The following ARPP21 variants were observed in gnomAD, a reference collection of about 807,000 sequenced individuals.
ARPP21 encodes cAMP regulated phosphoprotein 21, also known as cAMP-regulated phosphoprotein 21.
In ARPP21, 69 loss-of-function variants were observed where a neutral mutation model predicts 113.2. That is an observed-to-expected ratio of 0.61 (90% confidence interval 0.50 to 0.74). The LOEUF is 0.74. ARPP21 is among the 30% of genes least tolerant of loss of function. ARPP21 has a pLI of 0.00. For synonymous variants in ARPP21, 368 were observed against 375.5 expected, an observed-to-expected ratio of 0.98 and a Z score of 0.23; for missense variants, 1,070 against 1,037.4, an observed-to-expected ratio of 1.03 and a Z score of -0.43.
Position 35,691,057 on chromosome 3 carries a change from C to T in ARPP21, c.686+52C>T, listed in dbSNP as rs2082099323. Reference sequence around the variant, plus strand: ...GCATTTTCTTTTTCTCCTATGGATTCATTTATAAGATCACAGTATAAAATT... The same window carrying T: ...GCATTTTCTTTTTCTCCTATGGATTTATTTATAAGATCACAGTATAAAATT... On this transcript the variant is annotated intron_variant, in intron 9 of 20. Transcript: ENST00000684406. 2.6e-6 allele frequency: 4 copies of T among 1,542,688 alleles called. No individual in the cohort carries two copies. The South Asian group carries it at 4.9e-5, about 19-fold the overall frequency.
chr3:35,745,339 C>T (rs928595692), intron 19 of ARPP21, among the ~76,000 whole-genome samples: 1 of 152,128 alleles, frequency 6.6e-6, no homozygotes, highest in Non-Finnish European at 1.5e-5. Context: ...TTATTTTATG[C>T]TAACGTTAAT....
intron 1 of ARPP21, among the ~76,000 whole-genome samples, chr3:35,644,054 TA>T (rs1699236164): frequency 6.6e-6 from 1 of 152,032 alleles, no homozygotes; most frequent in Non-Finnish European, 1.5e-5. Flanking sequence ...ACTTGTATTT[TA>T]TTTTTTATTC....
chr3:35,711,777 T>C (rs1471434366), intron 11 of ARPP21, among the ~76,000 whole-genome samples: 1 of 152,198 alleles, frequency 6.6e-6, no homozygotes, highest in African/African-American at 2.4e-5. Flanking sequence ...CAATGTAGGC[T>C]TCTATAGGCT....
At chr3:35,756,141 C>G (rs4678805) in intron 19 of ARPP21, among the ~76,000 whole-genome samples, 39,311 of 151,866 alleles carry the variant, frequency 0.26, 5,266 homozygotes, top group African/African-American at 0.29. Flanking sequence ...TTAATCACCC[C>G]CTCCAGCTCT....
At chr3:35,717,754 T>C (rs2092610405) in intron 13 of ARPP21, among the ~76,000 whole-genome samples, 1 of 152,140 alleles carries the variant, frequency 6.6e-6, no homozygotes, top group Admixed American at 6.5e-5. Context: ...ATTTTTAATT[T>C]TATCTGTTAT....
At chr3:35,753,746 G>A (rs1274519999) in intron 19 of ARPP21, among the ~76,000 whole-genome samples, 1 of 152,064 alleles carries the variant, frequency 6.6e-6, no homozygotes, top group East Asian at 1.9e-4. Flanking sequence ...TAGAAGTAAT[G>A]TTTCTGATAT....
chr3:35,687,635 C>T (rs1236949269), intron 5 of ARPP21, 104 bp from the exon 6 acceptor site: 8 of 1,031,438 alleles, frequency 7.8e-6, no homozygotes, highest in South Asian at 4.9e-5. Context: ...AAAAAATCTG[C>T]ACCTGGTTTT....
intron 1 of ARPP21, among the ~76,000 whole-genome samples, chr3:35,667,678 AGTTAAT>A (rs1447342395): frequency 6.6e-6 from 1 of 152,008 alleles, no homozygotes; most frequent in Non-Finnish European, 1.5e-5. Flanking sequence ...GAGTCCTTCT[AGTTAAT>A]TAAAAGGAAA....
In ARPP21 at chr3:35,728,632, A is replaced by G. The variant is rs567813952; in HGVS notation, c.1226-671A>G. Among the ~76,000 whole-genome samples the G allele has an allele frequency of 3.3e-5, 5 of 152,144 alleles. No individual in the cohort carries two copies. In the South Asian group the frequency reaches 8.3e-4, roughly 25 times the overall value. ...TCTGGTCAGATGGTTAGAAAAAGTC[A>G]GTGTCCTGATTCATCTTTGTCTCCC... On this transcript the variant is annotated intron_variant, in intron 14 of 20. Coordinates refer to ENST00000684406, the MANE Select transcript of ARPP21 (RefSeq NM_001385562.1).
chr3:35,667,960 G>GAAGAAGAAC (rs1559548987), intron 1 of ARPP21, among the ~76,000 whole-genome samples: 1 of 59,002 alleles, frequency 1.7e-5, no homozygotes, highest in Admixed American at 1.7e-4. Flanking sequence ...AGAAGAAGAA[G>GAAGAAGAAC]AAGAAGAAGA....
intron 19 of ARPP21, chr3:35,744,463 G>T (rs758146728): frequency 1.9e-6 from 1 of 527,426 alleles, no homozygotes; most frequent in South Asian, 1.4e-5. Flanking sequence ...CCTGCCCAGA[G>T]CCCGGCAGCC....
At chr3:35,778,487 G>A (rs2096442234) in intron 19 of ARPP21, among the ~76,000 whole-genome samples, 1 of 152,128 alleles carries the variant, frequency 6.6e-6, no homozygotes, top group Non-Finnish European at 1.5e-5. Flanking sequence ...CCTCCTCTCA[G>A]CTCTTGCTAA....
chr3:35,675,199 T>G (rs1175545578), intron 1 of ARPP21, among the ~76,000 whole-genome samples: 1 of 151,702 alleles, frequency 6.6e-6, no homozygotes, highest in African/African-American at 2.4e-5. Flanking sequence ...GACACCACCT[T>G]TCATGTGGGT....
At chr3:35,681,173 T>G (rs1648688690) in intron 2 of ARPP21, 1 of 151,870 alleles carries the variant, frequency 6.6e-6, no homozygotes, top group Non-Finnish European at 1.5e-5. Context: ...CCTCAAAGGT[T>G]TATTGCCAAA....
chr3:35,720,289 A>G (rs2092926150), intron 13 of ARPP21, among the ~76,000 whole-genome samples: 1 of 152,132 alleles, frequency 6.6e-6, no homozygotes, highest in African/African-American at 2.4e-5. Flanking sequence ...CAGTTATTTC[A>G]TTTTTATTTC....
chr3:35,729,714 C>G (rs1385643967), intron 15 of ARPP21, among the ~76,000 whole-genome samples, 178 bp downstream of exon 15: 1 of 152,142 alleles, frequency 6.6e-6, no homozygotes, highest in African/African-American at 2.4e-5. Flanking sequence ...ATCTATAACT[C>G]TATATTTATA....
At chr3:35,787,370 T>C (rs888376870) in intron 19 of ARPP21, among the ~76,000 whole-genome samples, 2 of 152,196 alleles carry the variant, frequency 1.3e-5, no homozygotes, top group Non-Finnish European at 2.9e-5. Flanking sequence ...TAAGATTATT[T>C]CGAGAAAACA....
intron 14 of ARPP21, among the ~76,000 whole-genome samples, chr3:35,726,344 G>C (rs2093534773): frequency 6.6e-6 from 1 of 152,186 alleles, no homozygotes; most frequent in Non-Finnish European, 1.5e-5. Context: ...GCTGTGTGTG[G>C]AATATGGCTC....
At chr3:35,668,029 GA>G (rs1559550871) in intron 1 of ARPP21, among the ~76,000 whole-genome samples, 16 of 141,902 alleles carry the variant, frequency 1.1e-4, no homozygotes, top group African/African-American at 3.7e-4. Context: ...AGAAGAAGAA[GA>G]AGGAGAAGAA....
Sources: allele counts gnomAD v4.1 joint callset (sites outside exome capture counted in the v4.1 genomes callset), GRCh38; gene constraint gnomAD v4.1.1; transcripts MANE v1.5; gene names NCBI Gene and HGNC (gene_info 2026-07-23, HGNC 2026-07-21).